UPF1: variants seen among roughly 807,000 people sequenced by gnomAD.
UPF1 encodes UPF1 RNA helicase and ATPase.
A neutral mutation model predicts 129.2 loss-of-function variants in UPF1; 9 were observed. The ratio of observed to expected loss-of-function variants is 0.07; its 90% CI spans 0.04 to 0.12. UPF1 has a LOEUF of 0.12. Among genes scored for constraint, UPF1 ranks in the 10% least tolerant of loss-of-function variants. The pLI, the probability that UPF1 is intolerant of heterozygous loss-of-function variation, is 1.00. For missense variants in UPF1, 788 were observed against 1,525.3 expected, an observed-to-expected ratio of 0.52 and a Z score of 8.05; for synonymous variants, 649 against 644.9, an observed-to-expected ratio of 1.01 and a Z score of -0.10.
Position 18,853,322 on chromosome 19 carries a change from G to A in UPF1, c.1128G>A (p.Gly376=), listed in dbSNP as rs368268595. 3.3e-5 allele frequency: 53 copies of A among 1,612,478 alleles called. No individual in the cohort carries two copies. Among genetic ancestry groups the A allele is most frequent in the Middle Eastern group, 1.6e-4 (1 of 6,080 alleles). Residue 376 remains glycine (G), a synonymous_variant, in exon 8 of 24, where the codon GGG becomes GGA. Transcript: ENST00000262803. This position sits in a 1 kb window ranked among gnomAD's most constrained non-coding sequence, Gnocchi z 4.4. ...YKGDLAPLWK[G]IGHVIKVPDN... ...GGGACCTTGCGCCCCTGTGGAAAGG[G>A]ATCGGCCACGTCATCAAGGTCCCTG...
Position 18,853,376 on chromosome 19 carries a change from GC to G in UPF1, c.1156+28del. ...GTATCCTTCATGTGAAGAGGGTGTG[GC>G]CGGCTGGTGGGAGAGGAAAGTGGGG... On this transcript the variant is annotated intron_variant, in intron 8 of 23. Coordinates refer to ENST00000262803, the MANE Select transcript of UPF1 (RefSeq NM_002911.4). The surrounding 1 kb of genome is among the most constrained non-coding windows in gnomAD (Gnocchi z 4.4). The G allele has an allele frequency of 6.4e-7, 1 of 1,572,708 alleles. No individual in the cohort carries two copies.
intron 1 of UPF1, among the ~76,000 whole-genome samples, chr19:18,835,900 T>C (rs1052566437): frequency 6.6e-6 from 1 of 152,214 alleles, no homozygotes; most frequent in Non-Finnish European, 1.5e-5. Context: ...TGTAGCCACT[T>C]TCCATACCAA....
intron 13 of UPF1, 82 bp from the exon 14 acceptor site, chr19:18,856,792 GCTT>G: frequency 6.7e-7 from 1 of 1,501,102 alleles, no homozygotes; most frequent in Non-Finnish European, 8.9e-7. Context: ...AAACAGGAGA[GCTT>G]CTGTGTTCTG....
At chr19:18,834,281 C>T (rs1272051419) in intron 1 of UPF1, among the ~76,000 whole-genome samples, 1 of 152,174 alleles carries the variant, frequency 6.6e-6, no homozygotes, top group Non-Finnish European at 1.5e-5. Context: ...CGTGACAGCG[C>T]GGATCGGGGG....
rs751048628 is a variant in UPF1 at position 18,857,297 on chromosome 19, T to TGTGGGGGC, written c.1969-22_1969-15dup. 1.9e-6 allele frequency: 3 copies of TGTGGGGGC among 1,596,100 alleles called. No homozygotes were observed. In the Admixed American group the frequency reaches 5.3e-5, roughly 28 times the overall value. On this transcript the variant is annotated intron_variant, in intron 14 of 23. Transcript: ENST00000262803. ...TGATTCACACCTGAGCTTCTTGACTTGTGGGGGCCCCTGTTCCTACAGCTG... is the reference window on the plus strand; with the variant it reads ...TGATTCACACCTGAGCTTCTTGACTTGTGGGGGCGTGGGGGCCCCTGTTCCTACAGCTG...
rs1601113841 is a variant in UPF1, at chr19:18,852,971, T to G, written c.973-16T>G. The G allele has an allele frequency of 2.5e-6, 4 of 1,609,902 alleles. No homozygotes were observed. Among genetic ancestry groups the G allele is most frequent in the Non-Finnish European group, 3.4e-6 (4 of 1,177,216 alleles). Reference sequence around the variant, plus strand: ...TGCTGGAGGCTAACCGGGGCTCTTGTTTTTCATGTGCTCAGACTCAAGATA... The same window carrying G: ...TGCTGGAGGCTAACCGGGGCTCTTGGTTTTCATGTGCTCAGACTCAAGATA... On this transcript the variant is annotated splice_polypyrimidine_tract_variant and intron_variant, in intron 6 of 23. Transcript: ENST00000262803.
chr19:18,860,842 G>T lies in UPF1; in HGVS notation c.2317G>T (p.Val773Leu). The change falls in exon 17 of 24, where the codon GTG becomes TTG. Residue 773 changes from valine to leucine, a missense_variant. Around this residue, in one of 6 missense-constraint regions of UPF1, gnomAD observed 140 missense variants for 385.9 expected, o/e 0.36. Coordinates refer to ENST00000262803, the MANE Select transcript of UPF1 (RefSeq NM_002911.4). ...SYLNRTEAANVEKITTKLLKA... is the reference protein window; with the variant it reads ...SYLNRTEAANLEKITTKLLKA... Reference sequence around the variant, plus strand: ...GTTTCTTAGGACCGAGGCTGCGAACGTGGAGAAGATCACCACGAAGTTGCT... The same window carrying T: ...GTTTCTTAGGACCGAGGCTGCGAACTTGGAGAAGATCACCACGAAGTTGCT... 1.2e-6 allele frequency: 2 copies of T among 1,612,484 alleles called. No homozygotes were observed. The highest frequency in any genetic ancestry group is 1.7e-6 in the Non-Finnish European group (2 of 1,179,674).
intron 1 of UPF1, among the ~76,000 whole-genome samples, chr19:18,840,103 G>T (rs913753316): frequency 1.3e-5 from 2 of 152,158 alleles, no homozygotes; most frequent in African/African-American, 4.8e-5. Context: ...GATGGCAGTG[G>T]CGGGGGTTAG....
At position 18,838,150 on chromosome 19, in the gene UPF1, T is replaced by C. The variant is rs372888049; in HGVS notation, c.231+5710T>C. ...CCAAGGCGGGGTGAGTTCCATACAG[T>C]CTTGGGTTCCGAAAAGTGGTGAGTT... On this transcript the variant is annotated intron_variant, in intron 1 of 23. Transcript: ENST00000262803. Among the ~76,000 whole-genome samples, 57 of 152,320 alleles carry C rather than the reference T, an allele frequency of 3.7e-4. 1 individual carries two copies. The Middle Eastern group carries it at 0.014, about 36-fold the overall frequency.
intron 13 of UPF1, among the ~76,000 whole-genome samples, 156 bp downstream of exon 13, chr19:18,856,456 T>C (rs1042748233): frequency 6.6e-6 from 1 of 152,176 alleles, no homozygotes; most frequent in Admixed American, 6.5e-5. Flanking sequence ...TACAGTAAAT[T>C]AGGGACATCT....
At chr19:18,852,342 A>G (rs758674000) in intron 6 of UPF1, 46 bp downstream of exon 6, 2 of 1,604,472 alleles carry the variant, frequency 1.2e-6, no homozygotes, top group South Asian at 1.1e-5. Context: ...TCTGGCTCTC[A>G]CAGCTCTCTC....
rs2055660858 is a variant in UPF1 at position 18,851,740 on chromosome 19, G to A, written c.811-395G>A. ...AAACCGGTGGTCTTTGTGGCAGCCT[G>A]CGAGGCGGGTTAGCTGCTCTCGTTC... is the stretch of plus-strand genomic sequence containing the variant. On this transcript the variant is annotated intron_variant, in intron 5 of 23. Coordinates refer to ENST00000262803, the MANE Select transcript of UPF1 (RefSeq NM_002911.4). This position sits in a 1 kb window ranked among gnomAD's most constrained non-coding sequence, Gnocchi z 4.2. Among the ~76,000 whole-genome samples, 1 of 152,186 alleles carries A rather than the reference G, an allele frequency of 6.6e-6. No homozygotes were observed. The highest frequency in any genetic ancestry group is 1.5e-5 in the Non-Finnish European group (1 of 68,038).
intron 16 of UPF1, 105 bp downstream of exon 16, chr19:18,860,543 CTTCAT>C: frequency 8.6e-7 from 1 of 1,168,672 alleles, no homozygotes; most frequent in South Asian, 1.3e-5. Flanking sequence ...CTTTTTTTGC[CTTCAT>C]TTCCTGTTTA....
At chr19:18,846,692 A>G (rs1601105169) in intron 2 of UPF1, among the ~76,000 whole-genome samples, 2 of 152,252 alleles carry the variant, frequency 1.3e-5, no homozygotes, top group East Asian at 3.9e-4. Context: ...GTAGATTAGA[A>G]GAGGGGAGAA....
At chr19:18,858,972 GGT>G (rs1490658515) in intron 15 of UPF1, among the ~76,000 whole-genome samples, 1 of 152,194 alleles carries the variant, frequency 6.6e-6, no homozygotes, top group Non-Finnish European at 1.5e-5. Context: ...CTGTGAGGTT[GGT>G]ATTGTCAGGC....
At position 18,866,024 on chromosome 19, in the gene UPF1, C is replaced by T; in HGVS notation, c.3238-20C>T. 9.9e-6 allele frequency: 16 copies of T among 1,613,330 alleles called. No individual in the cohort carries two copies. The highest frequency in any genetic ancestry group is 1.1e-5 in the South Asian group (1 of 91,058). On this transcript the variant is annotated intron_variant, in intron 22 of 23. Transcript: ENST00000262803. The stretch of plus-strand genomic sequence containing the variant: ...CACCCTTGGCCTGTGGCTTGCTTAC[C>T]TCCTGACCTTGTCTTTCAGGACAGT...
intron 14 of UPF1, 136 bp from the exon 15 acceptor site, chr19:18,857,184 C>T (rs2145961155): frequency 6.8e-7 from 1 of 1,466,638 alleles, no homozygotes; most frequent in Non-Finnish European, 9.2e-7. Flanking sequence ...GCTGCACGTC[C>T]AGTGTGCGTG....
intron 15 of UPF1, among the ~76,000 whole-genome samples, chr19:18,857,738 C>A (rs1054629647): frequency 6.6e-6 from 1 of 152,200 alleles, no homozygotes; most frequent in Non-Finnish European, 1.5e-5. Flanking sequence ...GAGCCTGTGT[C>A]CTCTGTAAAA....
rs2055833786 is a variant in UPF1, at chr19:18,865,572, C to T, written c.3031C>T (p.Pro1011Ser). ...CTGCTGTCTTTCAGGGCGAGGCACC[C>T]CGAAAGGCAAGACTGGTCGTGGGGG... ...ANGPAAGRGT[P>S]KGKTGRGGRQ... Residue 1011 changes from proline (P) to serine (S), a missense_variant, in exon 22 of 24, where the codon CCG becomes TCG. By Grantham distance (74) the Pro-to-Ser change is moderately conservative. Around this residue, in one of 6 missense-constraint regions of UPF1, gnomAD observed 218 missense variants for 318.1 expected, o/e 0.69. Coordinates refer to ENST00000262803, the MANE Select transcript of UPF1 (RefSeq NM_002911.4). The surrounding 1 kb of genome is among the most constrained non-coding windows in gnomAD (Gnocchi z 6.1). 2.5e-6 allele frequency: 4 copies of T among 1,613,948 alleles called. No homozygotes were observed. Among genetic ancestry groups the T allele is most frequent in the Non-Finnish European group, 3.4e-6 (4 of 1,180,040 alleles).
Sources: allele counts gnomAD v4.1 joint callset (sites outside exome capture counted in the v4.1 genomes callset), GRCh38; gene constraint gnomAD v4.1.1; regional missense constraint gnomAD v4.1.1; non-coding constraint Gnocchi (gnomAD v3.1); transcripts MANE v1.5; gene names NCBI Gene and HGNC (gene_info 2026-07-23, HGNC 2026-07-21).